MARCHF3: variants seen among roughly 807,000 people sequenced by gnomAD.
MARCHF3 encodes E3 ubiquitin-protein ligase MARCHF3.
Under a neutral mutation model 24.2 loss-of-function variants are expected in MARCHF3, and 13 were observed. The observed-to-expected ratio is 0.54, with a 90% CI of 0.35 to 0.85. The LOEUF is 0.85. Among genes scored for constraint, MARCHF3 ranks in the 40% least tolerant of loss-of-function variants. MARCHF3 has a pLI of 0.01. For missense variants in MARCHF3, 276 were observed against 325.0 expected (o/e 0.85, Z 1.16); for synonymous variants, 144 against 137.3 (o/e 1.05, Z -0.34).
intron 1 of MARCHF3, among the ~76,000 whole-genome samples, chr5:126,929,324 C>T (rs1445961854): frequency 2.0e-5 from 3 of 152,186 alleles, no homozygotes; most frequent in African/African-American, 7.2e-5. Context: ...ATGGTACTGT[C>T]TACTCTTGGT....
chr5:126,994,488 AAG>A (rs1259553368), intron 1 of MARCHF3, among the ~76,000 whole-genome samples: 1 of 152,230 alleles, frequency 6.6e-6, no homozygotes, highest in East Asian at 1.9e-4. Flanking sequence ...TATGCTAAAA[AAG>A]AATGAATTTT....
At chr5:126,921,242 A>C (rs1749098117) in intron 1 of MARCHF3, among the ~76,000 whole-genome samples, 1 of 152,156 alleles carries the variant, frequency 6.6e-6, no homozygotes, top group Non-Finnish European at 1.5e-5. Context: ...ATGGGCTAAG[A>C]GGGATTACAC....
At chr5:126,968,234 A>G (rs1324079415) in intron 1 of MARCHF3, among the ~76,000 whole-genome samples, 2 of 152,120 alleles carry the variant, frequency 1.3e-5, no homozygotes, top group African/African-American at 2.4e-5. Flanking sequence ...TACATTTTCA[A>G]TTCTACTGGG....
At chr5:126,939,135 C>T (rs1749743024) in intron 1 of MARCHF3, among the ~76,000 whole-genome samples, 3 of 152,160 alleles carry the variant, frequency 2.0e-5, no homozygotes, top group African/African-American at 7.2e-5. Flanking sequence ...GATTCTGCAA[C>T]AAACATAATC....
At chr5:126,969,229 A>G (rs1750914668) in intron 1 of MARCHF3, among the ~76,000 whole-genome samples, 1 of 152,226 alleles carries the variant, frequency 6.6e-6, no homozygotes, top group African/African-American at 2.4e-5. Context: ...ATGGCCTCCA[A>G]GAGTTTAGAA....
At chr5:126,905,189 C>A (rs1754243307) in intron 3 of MARCHF3, among the ~76,000 whole-genome samples, 1 of 79,064 alleles carries the variant, frequency 1.3e-5, no homozygotes, top group African/African-American at 5.2e-5. Context: ...TGTTTTGGTA[C>A]CAGTACCATG....
At chr5:127,017,082 G>A (rs1212059247) in intron 1 of MARCHF3, among the ~76,000 whole-genome samples, 1 of 152,172 alleles carries the variant, frequency 6.6e-6, no homozygotes, top group Non-Finnish European at 1.5e-5. Flanking sequence ...CTTGGACGCA[G>A]GGAGGGGAAC....
chr5:126,880,857 T>A (rs1158553386), intron 3 of MARCHF3, among the ~76,000 whole-genome samples: 1 of 152,220 alleles, frequency 6.6e-6, no homozygotes, highest in African/African-American at 2.4e-5. Flanking sequence ...CCTGAACACA[T>A]ATGCTACCGA....
At chr5:126,963,056 ATCAC>A (rs1750692864) in intron 1 of MARCHF3, among the ~76,000 whole-genome samples, 1 of 152,086 alleles carries the variant, frequency 6.6e-6, no homozygotes, top group Admixed American at 6.6e-5. Flanking sequence ...AACAACACCT[ATCAC>A]TGCTTATAGC....
chr5:126,927,342 T>C (rs1448535278), intron 1 of MARCHF3, among the ~76,000 whole-genome samples: 2 of 152,188 alleles, frequency 1.3e-5, no homozygotes, highest in Non-Finnish European at 2.9e-5. Context: ...ATAGGGTCTC[T>C]CTCTTGGTGA....
chr5:126,886,008 AAT>A (rs1491464798), intron 3 of MARCHF3, among the ~76,000 whole-genome samples: 26 of 148,418 alleles, frequency 1.8e-4, no homozygotes, highest in African/African-American at 6.0e-4. Context: ...ATATATATAT[AAT>A]TTTTTTTTTC....
At chr5:126,900,972 C>G (rs1754085061) in intron 3 of MARCHF3, among the ~76,000 whole-genome samples, 3 of 151,992 alleles carry the variant, frequency 2.0e-5, no homozygotes, top group Admixed American at 2.0e-4. Context: ...TTCCAAAGTG[C>G]TGGGATAACA....
At position 126,900,388 on chromosome 5, in the gene MARCHF3, G is replaced by A. The variant is rs755932417; in HGVS notation, c.393+14542C>T. The stretch of plus-strand genomic sequence containing the variant: ...GGCCTTTGGGAGGTGATTAGGTCAG[G>A]AGGATGGAGCACCCATGACTGAGAT... On this transcript the variant is annotated intron_variant, in intron 3 of 4. Transcript: ENST00000308660. Among the ~76,000 whole-genome samples, 65 of 152,030 alleles carry A rather than the reference G, an allele frequency of 4.3e-4. 1 individual carries two copies. The highest frequency in any genetic ancestry group is 1.0e-4 in the Non-Finnish European group (7 of 68,030).
Position 126,867,932 on chromosome 5 carries a change from A to G in MARCHF3, c.*2701T>C, listed in dbSNP as rs1358463087. ...CACTGTGACACACATTTATCTCTAC[A>G]TGACATTCTCAAGAAAAATGATTAG... On this transcript the variant is annotated 3_prime_UTR_variant, in exon 5 of 5. Transcript: ENST00000308660. 6.6e-6 allele frequency: 1 copy of G among 152,204 alleles called. No individual in the cohort carries two copies. Among genetic ancestry groups the G allele is most frequent in the African/African-American group, 2.4e-5 (1 of 41,444 alleles). The allele number at this position is 152,204 out of a possible 1,614,324, so 9.4% of individuals were successfully genotyped here.
chr5:126,913,459 CT>C (rs1239537942), intron 3 of MARCHF3, among the ~76,000 whole-genome samples: 3 of 152,222 alleles, frequency 2.0e-5, no homozygotes, highest in African/African-American at 7.2e-5. Flanking sequence ...ATATTTGCCC[CT>C]CTACAGTTAA....
intron 3 of MARCHF3, among the ~76,000 whole-genome samples, chr5:126,895,858 C>G (rs957840427): frequency 6.6e-6 from 1 of 152,196 alleles, no homozygotes; most frequent in Non-Finnish European, 1.5e-5. Context: ...AGCTTCCGGG[C>G]TGCTTTGTTT....
chr5:126,917,997 G>A lies in MARCHF3; in HGVS notation c.175C>T (p.Leu59Phe). 1 of 1,613,864 alleles carries A rather than the reference G, an allele frequency of 6.2e-7. No individual in the cohort carries two copies. The highest frequency in any genetic ancestry group is 8.5e-7 in the Non-Finnish European group (1 of 1,179,894). ...GQLLSTVVRT[L>F]ATQSPFNDRP... ...TTGTGGTACTACCTCTGGGTGGCAA[G>A]AGTCCGCACTACTGTTGACAGCAGC... is the stretch of plus-strand genomic sequence containing the variant. The change falls in exon 2 of 5, where the codon CTT becomes TTT. Residue 59 changes from leucine to phenylalanine, a missense_variant. Transcript: ENST00000308660.
intron 1 of MARCHF3, among the ~76,000 whole-genome samples, chr5:126,993,150 C>G (rs991284201): frequency 6.6e-6 from 1 of 152,150 alleles, no homozygotes; most frequent in African/African-American, 2.4e-5. Flanking sequence ...CTCAAATAGT[C>G]CTTGCACTGA....
intron 1 of MARCHF3, among the ~76,000 whole-genome samples, chr5:127,015,740 C>T (rs1249243833): frequency 6.6e-6 from 1 of 152,236 alleles, no homozygotes; most frequent in Non-Finnish European, 1.5e-5. Flanking sequence ...CATCCCCCCA[C>T]TTATTTGTGG....
Sources: allele counts gnomAD v4.1 joint callset (sites outside exome capture counted in the v4.1 genomes callset), GRCh38; gene constraint gnomAD v4.1.1; transcripts MANE v1.5; gene names NCBI Gene and HGNC (gene_info 2026-07-23, HGNC 2026-07-21).